CPLX2: variants seen among roughly 807,000 people sequenced by gnomAD.
CPLX2 encodes the protein complexin 2, also known as complexin-2.
A neutral mutation model predicts 16.3 loss-of-function variants in CPLX2; 5 were observed. The ratio of observed to expected loss-of-function variants is 0.31; its 90% CI spans 0.16 to 0.64. The LOEUF is 0.64. CPLX2 is among the 30% of genes least tolerant of loss of function. The probability of loss-of-function intolerance (pLI) is 0.79; values close to 1 mark genes in which losing one functional copy is unlikely to be tolerated. For synonymous variants in CPLX2, 89 were observed against 73.2 expected (o/e 1.22, Z -1.10); for missense variants, 144 against 181.4 (o/e 0.79, Z 1.18).
In CPLX2 at chr5:175,872,867, G is replaced by A. The variant is rs1759666051; in HGVS notation, c.-89+1162G>A. On this transcript the variant is annotated intron_variant, in intron 1 of 3. Coordinates refer to ENST00000393745, the MANE Select transcript of CPLX2 (RefSeq NM_001008220.2). This position sits in a 1 kb window ranked among gnomAD's most constrained non-coding sequence, Gnocchi z 5.0. ...TAAGGACAACCACTGCAGGTTACCC[G>A]AGTCAGCCTGTCAGATGGCGGGGCC... 1 of 152,428 alleles carries A rather than the reference G, an allele frequency of 6.6e-6. No homozygotes were observed. The highest frequency in any genetic ancestry group is 1.5e-5 in the Non-Finnish European group (1 of 68,206). 9.4% of individuals were successfully genotyped at this position (152,428 alleles called of 1,614,324 possible).
At chr5:175,848,898 G>A (rs1759099537) in intron 2 of CPLX2, among the ~76,000 whole-genome samples, 1 of 152,204 alleles carries the variant, frequency 6.6e-6, no homozygotes, top group Non-Finnish European at 1.5e-5. Context: ...GGGAAGGCAG[G>A]GAGTCCGTGT....
chr5:175,819,502 A>G (rs1370994479), intron 2 of CPLX2, among the ~76,000 whole-genome samples: 1 of 152,092 alleles, frequency 6.6e-6, no homozygotes, highest in Non-Finnish European at 1.5e-5. Context: ...TAGGTTAAAC[A>G]CCTTTTCATA....
intron 1 of CPLX2, among the ~76,000 whole-genome samples, chr5:175,804,111 A>G (rs1758152585): frequency 1.3e-5 from 2 of 152,264 alleles, no homozygotes; most frequent in East Asian, 3.8e-4. Flanking sequence ...AAAAACCGTG[A>G]TGAATAAAAT....
intron 2 of CPLX2, among the ~76,000 whole-genome samples, chr5:175,832,568 T>C (rs116467667): frequency 0.014 from 2,137 of 152,294 alleles, 25 homozygotes; most frequent in Non-Finnish European, 0.022. Context: ...TGTTCTTTTG[T>C]AAATGCCAGA....
chr5:175,829,862 T>C (rs1758699217), intron 2 of CPLX2, among the ~76,000 whole-genome samples: 1 of 152,186 alleles, frequency 6.6e-6, no homozygotes, highest in Non-Finnish European at 1.5e-5. Context: ...CAGACCTAGC[T>C]GGGGCCACAG....
In CPLX2 at chr5:175,849,848, G is replaced by A. The variant is rs1459506501; in HGVS notation, c.-88-28804G>A. Among the ~76,000 whole-genome samples, 1 of 152,224 alleles carries A rather than the reference G, an allele frequency of 6.6e-6. No homozygotes were observed. Among genetic ancestry groups the A allele is most frequent in the Non-Finnish European group, 1.5e-5 (1 of 68,044 alleles). On this transcript the variant is annotated intron_variant, in intron 2 of 4. Coordinates refer to the CPLX2 transcript ENST00000359546. The surrounding 1 kb of genome is among the most constrained non-coding windows in gnomAD (Gnocchi z 4.4). ...GGTCATGGCATGTGGCCTCTCACCA[G>A]GTGGGCTCTCAGCAAACATGAGTCC...
chr5:175,842,203 G>A (rs1476017860), intron 2 of CPLX2, among the ~76,000 whole-genome samples: 1 of 152,222 alleles, frequency 6.6e-6, no homozygotes, highest in Non-Finnish European at 1.5e-5. Context: ...CCAGCAGGAT[G>A]GGGGCCATAA....
chr5:175,800,145 T>C (rs1758067048), intron 1 of CPLX2, among the ~76,000 whole-genome samples: 1 of 152,036 alleles, frequency 6.6e-6, no homozygotes, highest in Admixed American at 6.6e-5. Flanking sequence ...TTTGAGAACA[T>C]AAATTCTCCC....
intron 2 of CPLX2, among the ~76,000 whole-genome samples, chr5:175,857,518 A>G (rs1051471779): frequency 6.6e-6 from 1 of 152,208 alleles, no homozygotes; most frequent in African/African-American, 2.4e-5. Context: ...AACCTAGTCT[A>G]CCTTAAACGT....
intron 2 of CPLX2, among the ~76,000 whole-genome samples, chr5:175,840,119 A>G (rs1254408874): frequency 1.3e-5 from 2 of 152,184 alleles, no homozygotes. Flanking sequence ...TACAGAACAT[A>G]TCCTTTGACA....
chr5:175,820,742 C>G (rs1758491103), intron 2 of CPLX2, among the ~76,000 whole-genome samples: 2 of 152,214 alleles, frequency 1.3e-5, no homozygotes, highest in Non-Finnish European at 2.9e-5. Flanking sequence ...ATGAGCATCT[C>G]CAGGCACTGT....
At chr5:175,875,887 G>A (rs1009560464) in intron 1 of CPLX2, among the ~76,000 whole-genome samples, 3 of 152,092 alleles carry the variant, frequency 2.0e-5, no homozygotes, top group Admixed American at 6.6e-5. Flanking sequence ...AGGGATGTAA[G>A]CATTGAGAAG....
At chr5:175,853,683 C>G (rs1759199255) in intron 2 of CPLX2, among the ~76,000 whole-genome samples, 1 of 152,160 alleles carries the variant, frequency 6.6e-6, no homozygotes, top group Admixed American at 6.6e-5. Context: ...TGCACCGGCC[C>G]CTTCTCTCAT....
intron 2 of CPLX2, among the ~76,000 whole-genome samples, chr5:175,847,521 G>C (rs1204570714): frequency 1.3e-5 from 2 of 152,188 alleles, no homozygotes; most frequent in Non-Finnish European, 2.9e-5. Context: ...AGCTGGGTCT[G>C]TAGGACATCA....
At position 175,881,767 on chromosome 5, in the gene CPLX2, A is replaced by G. The variant is rs1227203468; in HGVS notation, c.*1722A>G. 2 of 152,540 alleles carry G rather than the reference A, an allele frequency of 1.3e-5. No individual in the cohort carries two copies. The highest frequency in any genetic ancestry group is 2.9e-5 in the Non-Finnish European group (2 of 68,042). 9.4% of individuals were successfully genotyped at this position (152,540 alleles called of 1,614,324 possible). On this transcript the variant is annotated 3_prime_UTR_variant, in exon 4 of 4. Coordinates refer to ENST00000393745, the MANE Select transcript of CPLX2 (RefSeq NM_001008220.2). ...GGTCCTCAGAATCCCACTGCAATGG[A>G]CCCAGGCAGCGCCCCAGGAAGCCAT...
intron 1 of CPLX2, among the ~76,000 whole-genome samples, chr5:175,806,196 C>CTTT (rs5873513): frequency 6.8e-6 from 1 of 147,934 alleles, no homozygotes; most frequent in African/African-American, 2.5e-5. Context: ...ACCCGCCAGT[C>CTTT]TTTTTTTTTT....
chr5:175,809,256 A>G lies in CPLX2; in HGVS notation c.-89+188A>G, dbSNP rs1758269903. 6.6e-6 allele frequency: 1 copy of G among 152,260 alleles called. No homozygotes were observed. The highest frequency in any genetic ancestry group is 1.5e-5 in the Non-Finnish European group (1 of 68,056). 9.4% of individuals were successfully genotyped at this position (152,260 alleles called of 1,614,324 possible). ...ACCTTGCATGTTCAGAGCCGTTTAC[A>G]ACAGAGAAGCACTTTCTTGTGCAAT... On this transcript the variant is annotated intron_variant, in intron 2 of 4. Coordinates refer to the CPLX2 transcript ENST00000359546. The surrounding 1 kb of genome is among the most constrained non-coding windows in gnomAD (Gnocchi z 4.4).
upstream of CPLX2, chr5:175,871,485 G>GAGAGAGAGAGAT (rs1561790514): frequency 3.3e-5 from 5 of 149,400 alleles, no homozygotes; most frequent in Admixed American, 6.7e-5. Flanking sequence ...GAGAGAGAGA[G>GAGAGAGAGAGAT]ATTTGAATTT....
intron 2 of CPLX2, among the ~76,000 whole-genome samples, chr5:175,811,023 T>G (rs959766216): frequency 3.9e-5 from 6 of 152,238 alleles, no homozygotes; most frequent in Non-Finnish European, 8.8e-5. Flanking sequence ...GAGGGCCAAG[T>G]TGAAGTCTAG....
Sources: allele counts gnomAD v4.1 joint callset (sites outside exome capture counted in the v4.1 genomes callset), GRCh38; gene constraint gnomAD v4.1.1; non-coding constraint Gnocchi (gnomAD v3.1); transcripts MANE v1.5; gene names NCBI Gene and HGNC (gene_info 2026-07-23, HGNC 2026-07-21).